ACIN1: variants seen among roughly 807,000 people sequenced by gnomAD.
ACIN1 encodes apoptotic chromatin condensation inducer in the nucleus.
In ACIN1, 16 loss-of-function variants were observed where a neutral mutation model predicts 146.6. That is an observed-to-expected ratio of 0.11 (90% CI 0.07 to 0.17). The LOEUF is 0.17. Among genes scored for constraint, ACIN1 ranks in the 10% least tolerant of loss-of-function variants. ACIN1 has a pLI of 1.00. For missense variants in ACIN1, 1,357 were observed against 1,609.3 expected, an observed-to-expected ratio of 0.84 and a Z score of 2.68; for synonymous variants, 569 against 582.7, an observed-to-expected ratio of 0.98 and a Z score of 0.34.
intron 1 of ACIN1, 183 bp downstream of exon 1, chr14:23,094,792 G>C: frequency 2.1e-6 from 2 of 948,450 alleles, no homozygotes; most frequent in Non-Finnish European, 1.5e-6. Flanking sequence ...GTTAAGGCGG[G>C]AACCGGCGCG....
chr14:23,078,802 G>T lies in ACIN1; in HGVS notation c.2007+18C>A, dbSNP rs1437443418. ...TTAATCCTCCATCTCTGTGTAGGGA[G>T]GGGTCACAATAGCCTACCCGCTCAG... On this transcript the variant is annotated intron_variant, in intron 7 of 18. Coordinates refer to ENST00000605057, the MANE Select transcript of ACIN1 (RefSeq NM_001386863.1). 1.2e-6 allele frequency: 2 copies of T among 1,608,786 alleles called. No homozygotes were observed. Among genetic ancestry groups the T allele is most frequent in the African/African-American group, 2.7e-5 (2 of 74,872 alleles).
At chr14:23,082,316 G>T (rs565305107) in intron 4 of ACIN1, among the ~76,000 whole-genome samples, 28 of 151,712 alleles carry the variant, frequency 1.8e-4, no homozygotes, top group African/African-American at 6.5e-4. Context: ...ACAAACTCAA[G>T]AAATAAATAC....
intron 10 of ACIN1, among the ~76,000 whole-genome samples, chr14:23,065,172 AT>A (rs1380667669): frequency 5.3e-5 from 8 of 152,244 alleles, no homozygotes; most frequent in African/African-American, 1.9e-4. Context: ...ACAGATTGAT[AT>A]TTAAGTTATA....
chr14:23,063,007 A>T lies in ACIN1; in HGVS notation c.2805T>A (p.Ile935=). ...CCTGGGCAGTTCGGACTGGGTCATCAATGGTAATGGAAACTCCGGACTTCT... is the reference window on the plus strand; with the variant it reads ...CCTGGGCAGTTCGGACTGGGTCATCTATGGTAATGGAAACTCCGGACTTCT... ...SQQKSGVSIT[I]DDPVRTAQVP... is the part of the protein sequence containing the mutation. The change falls in exon 14 of 19, where the codon ATT becomes ATA. Residue 935 remains isoleucine (I), a synonymous_variant. Transcript: ENST00000605057. 1 of 1,613,984 alleles carries T rather than the reference A, an allele frequency of 6.2e-7. No homozygotes were observed. The highest frequency in any genetic ancestry group is 8.5e-7 in the Non-Finnish European group (1 of 1,179,968).
intron 8 of ACIN1, chr14:23,071,462 G>T: frequency 6.4e-7 from 1 of 1,551,750 alleles, no homozygotes; most frequent in Non-Finnish European, 8.7e-7. Flanking sequence ...GGTCTCTCTG[G>T]AGAAGGAGGA....
In ACIN1 at chr14:23,080,645, A is replaced by G; in HGVS notation, c.690T>C (p.Gly230=). Residue 230 remains glycine (G), a synonymous_variant, in exon 6 of 19, where the codon GGT becomes GGC. Transcript: ENST00000605057. ...CCCTAGATTTTTGTCCCTCATCATC[A>G]CCTTCCTCTTCTTCATCATCTTCTT... is the stretch of plus-strand genomic sequence containing the variant. ...EEEEDDEEEE[G]DDEGQKSREA... is the part of the protein sequence containing the mutation. 6.2e-7 allele frequency: 1 copy of G among 1,613,108 alleles called. No homozygotes were observed. Among genetic ancestry groups the G allele is most frequent in the South Asian group, 1.1e-5 (1 of 91,048 alleles).
rs2047872582 is a variant in ACIN1, at chr14:23,079,002, T to C, written c.1825A>G (p.Ser609Gly). ...SPGVSRDSST[S>G]YTETKDPSSG... ...GAGGGATCTTTGGTTTCAGTATAGC[T>C]GGTGCTGCTGTCCCTGGAGACTCCA... The change falls in exon 7 of 19, where the codon AGC becomes GGC. Residue 609 changes from serine to glycine, a missense_variant. Ser to Gly is a moderately conservative substitution (Grantham distance 56). Transcript: ENST00000605057. 6 of 1,614,228 alleles carry C rather than the reference T, an allele frequency of 3.7e-6. No individual in the cohort carries two copies. Among genetic ancestry groups the C allele is most frequent in the Non-Finnish European group, 5.1e-6 (6 of 1,180,036 alleles).
chr14:23,065,935 AC>A (rs1280430953), intron 10 of ACIN1, 30 bp downstream of exon 10: 2 of 1,604,674 alleles, frequency 1.2e-6, no homozygotes, highest in African/African-American at 2.7e-5. Flanking sequence ...GGTATTCCTG[AC>A]TTTTATCAGG....
rs2047260271 is a variant in ACIN1, at chr14:23,060,952, T to C, written c.3525+132A>G. 4.9e-6 allele frequency: 4 copies of C among 821,736 alleles called. No homozygotes were observed. The African/African-American group carries it at 6.8e-5, about 14-fold the overall frequency. The allele number at this position is 821,736 out of a possible 1,614,324, so 50.9% of individuals were successfully genotyped here. On this transcript the variant is annotated intron_variant, in intron 18 of 18. Transcript: ENST00000605057. ...ACCAATTAACTGAAAACTGCCTTTT[T>C]GTGATGCTTAGTTTATCCTAAACCT...
rs373870049 is a variant in ACIN1, at chr14:23,081,345, CCTG to C, written c.525+400_525+402del. On this transcript the variant is annotated intron_variant, in intron 5 of 18. Coordinates refer to ENST00000605057, the MANE Select transcript of ACIN1 (RefSeq NM_001386863.1). ...AATGTGCTTTAAGAATACAGAGCAG[CCTG>C]CTAATTTTCAAATTTAAACTTTTAA... is the stretch of plus-strand genomic sequence containing the variant. Among the ~76,000 whole-genome samples the C allele has an allele frequency of 1.4e-4, 22 of 152,178 alleles. 1 individual carries two copies. The highest frequency in any genetic ancestry group is 3.9e-4 in the East Asian group (2 of 5,188).
At chr14:23,091,666 C>T (rs1350608362) in intron 2 of ACIN1, among the ~76,000 whole-genome samples, 1 of 150,362 alleles carries the variant, frequency 6.7e-6, no homozygotes, top group Non-Finnish European at 1.5e-5. Context: ...CACTGTCATC[C>T]AGGCTGGAGA....
intron 12 of ACIN1, 35 bp from the exon 13 acceptor site, chr14:23,063,612 AAACAC>A (rs2047356322): frequency 6.2e-7 from 1 of 1,613,098 alleles, no homozygotes; most frequent in Non-Finnish European, 8.5e-7. Context: ...CAGGTCTGTT[AAACAC>A]CAAACTGGCA....
At chr14:23,060,749 G>A (rs2047252339) in intron 18 of ACIN1, among the ~76,000 whole-genome samples, 1 of 152,148 alleles carries the variant, frequency 6.6e-6, no homozygotes, top group Non-Finnish European at 1.5e-5. Flanking sequence ...GACCTGAGGT[G>A]ATCCACCCGA....
intron 8 of ACIN1, among the ~76,000 whole-genome samples, chr14:23,071,858 G>C (rs771926821): frequency 2.0e-5 from 3 of 152,166 alleles, no homozygotes; most frequent in Non-Finnish European, 2.9e-5. Flanking sequence ...AAAATAGAGA[G>C]AATAGAAGGC....
At chr14:23,095,514 C>G (rs1326793291), upstream of ACIN1, 3 of 569,490 alleles carry the variant, frequency 5.3e-6, no homozygotes, top group Non-Finnish European at 6.0e-6. Context: ...CGTGGGCTGC[C>G]GGGCTGGCCC....
At chr14:23,059,830 A>G (rs1376399122) in intron 18 of ACIN1, among the ~76,000 whole-genome samples, 1 of 147,094 alleles carries the variant, frequency 6.8e-6, no homozygotes. Context: ...ATTTTTTTGT[A>G]TTTTCAGTAG....
chr14:23,066,859 G>A (rs906392697), intron 9 of ACIN1, among the ~76,000 whole-genome samples: 2 of 152,120 alleles, frequency 1.3e-5, no homozygotes, highest in Admixed American at 6.5e-5. Flanking sequence ...CACTCAGTGG[G>A]TGAATGACGA....
chr14:23,077,219 G>T (rs74036909), intron 8 of ACIN1, among the ~76,000 whole-genome samples: 1 of 152,192 alleles, frequency 6.6e-6, no homozygotes, highest in Non-Finnish European at 1.5e-5. Context: ...GAAGCTCTCA[G>T]AAGAGTATAA....
chr14:23,063,850 A>G (rs993964487), intron 12 of ACIN1, among the ~76,000 whole-genome samples: 7 of 152,304 alleles, frequency 4.6e-5, no homozygotes, highest in African/African-American at 1.7e-4. Context: ...CAACTACTCA[A>G]CTCTGGTGAT....
Sources: gnomAD v4.1 joint callset for allele counts (sites outside exome capture counted in the v4.1 genomes callset) on GRCh38, gnomAD v4.1.1 for gene constraint, MANE v1.5 for transcripts, NCBI Gene and HGNC (gene_info 2026-07-23, HGNC 2026-07-21) for gene names.